The following CDH18 variants were observed in gnomAD, a reference collection of about 807,000 sequenced individuals.
The protein encoded by CDH18 is cadherin-18.
CDH18 carries 31 observed loss-of-function variants against 67.9 expected under a neutral mutation model. The ratio of observed to expected loss-of-function variants is 0.46; its 90% CI spans 0.34 to 0.62. The LOEUF is 0.62. CDH18 is among the 20% of genes least tolerant of loss of function. The pLI is 0.01. For synonymous variants in CDH18, 362 were observed against 347.2 expected (o/e 1.04, Z -0.48); for missense variants, 890 against 975.5 (o/e 0.91, Z 1.17).
Position 20,471,241 on chromosome 5 carries a change from C to T in CDH18, c.-580+104221G>A, listed in dbSNP as rs562882734. Reference sequence around the variant, plus strand: ...TTCTGTAAACTCAGTTTCATAAATACTGCTTTCTCTGCTTGTTCATTCTCT... The same window carrying T: ...TTCTGTAAACTCAGTTTCATAAATATTGCTTTCTCTGCTTGTTCATTCTCT... On this transcript the variant is annotated intron_variant, in intron 1 of 14. Coordinates refer to the CDH18 transcript ENST00000507958. Among the ~76,000 whole-genome samples, 3 of 152,192 alleles carry T rather than the reference C, an allele frequency of 2.0e-5. No homozygotes were observed. In the South Asian group the frequency reaches 6.2e-4, roughly 32 times the overall value.
intron 5 of CDH18, among the ~76,000 whole-genome samples, chr5:19,693,164 G>A (rs1762118920): frequency 6.6e-6 from 1 of 151,634 alleles, no homozygotes; most frequent in Admixed American, 6.6e-5. Context: ...CATATTGCAC[G>A]TGCTCACTTA....
chr5:19,473,851 C>T, intron 12 of CDH18, 135 bp from the exon 13 acceptor site: 1 of 726,648 alleles, frequency 1.4e-6, no homozygotes, highest in Non-Finnish European at 2.3e-6. Flanking sequence ...TGCAGCACAA[C>T]TCACTCTGTG....
chr5:20,340,039 T>C (rs1056710646), intron 1 of CDH18, among the ~76,000 whole-genome samples: 1 of 152,188 alleles, frequency 6.6e-6, no homozygotes, highest in Non-Finnish European at 1.5e-5. Context: ...AGAAGGAATC[T>C]CTTTCTAATG....
intron 6 of CDH18, among the ~76,000 whole-genome samples, chr5:19,592,333 A>T (rs1465586214): frequency 5.3e-5 from 8 of 152,074 alleles, no homozygotes; most frequent in Non-Finnish European, 1.0e-4. Context: ...CCGTTTCTAT[A>T]GTGCTTATAT....
chr5:19,916,703 T>C (rs1395680927), intron 2 of CDH18, among the ~76,000 whole-genome samples: 1 of 152,202 alleles, frequency 6.6e-6, no homozygotes, highest in Non-Finnish European at 1.5e-5. Flanking sequence ...AATTGGAATT[T>C]GACATTTATT....
rs545370270 is a variant in CDH18 at position 20,277,759 on chromosome 5, A to G, written c.-579-22254T>C. ...AGCCATTTTGAGGAAACTCAATGAA[A>G]TTCAAGATAACACAGAGAAAGAATT... On this transcript the variant is annotated intron_variant, in intron 1 of 14. Coordinates refer to the CDH18 transcript ENST00000507958. Among the ~76,000 whole-genome samples the G allele has an allele frequency of 3.3e-5, 5 of 152,262 alleles. No homozygotes were observed. The East Asian group carries it at 9.7e-4, about 30-fold the overall frequency.
At chr5:20,202,449 C>T (rs968840584) in intron 2 of CDH18, among the ~76,000 whole-genome samples, 3 of 152,022 alleles carry the variant, frequency 2.0e-5, no homozygotes, top group Admixed American at 1.3e-4. Flanking sequence ...GCTTTATATA[C>T]ACTTCCATAT....
intron 4 of CDH18, among the ~76,000 whole-genome samples, chr5:19,723,047 A>G (rs1424054057): frequency 6.6e-6 from 1 of 152,070 alleles, no homozygotes; most frequent in East Asian, 1.9e-4. Context: ...CCTGGCAAAC[A>G]TGGTGAATTT....
chr5:20,126,814 A>C (rs1177914162), intron 2 of CDH18, among the ~76,000 whole-genome samples: 1 of 152,180 alleles, frequency 6.6e-6, no homozygotes, highest in Non-Finnish European at 1.5e-5. Flanking sequence ...TAAAAAAAAC[A>C]AGGCTTGCCT....
chr5:20,382,800 T>C (rs1744019512), intron 1 of CDH18, among the ~76,000 whole-genome samples: 1 of 152,184 alleles, frequency 6.6e-6, no homozygotes, highest in Non-Finnish European at 1.5e-5. Flanking sequence ...TGCATAACTA[T>C]ACTGTAGGCT....
At chr5:19,900,525 A>G (rs1789831483) in intron 2 of CDH18, among the ~76,000 whole-genome samples, 1 of 152,178 alleles carries the variant, frequency 6.6e-6, no homozygotes, top group Non-Finnish European at 1.5e-5. Flanking sequence ...ACAATTACAC[A>G]ATGTGTACAT....
chr5:20,060,966 T>A (rs536518396), intron 2 of CDH18, among the ~76,000 whole-genome samples: 205 of 152,152 alleles, frequency 1.3e-3, no homozygotes, highest in Non-Finnish European at 2.5e-3. Flanking sequence ...AAAAGATGCT[T>A]CAAAATAGAA....
intron 4 of CDH18, among the ~76,000 whole-genome samples, chr5:19,725,750 C>T (rs1766759783): frequency 6.6e-6 from 1 of 152,138 alleles, no homozygotes; most frequent in Non-Finnish European, 1.5e-5. Flanking sequence ...ACTTGGGCAA[C>T]AACAATGAAA....
At chr5:19,928,920 T>TAAA (rs1793382277) in intron 2 of CDH18, among the ~76,000 whole-genome samples, 1 of 152,128 alleles carries the variant, frequency 6.6e-6, no homozygotes, top group Non-Finnish European at 1.5e-5. Context: ...TCAGAGGCAT[T>TAAA]CCTGGAGACT....
intron 3 of CDH18, among the ~76,000 whole-genome samples, chr5:19,771,310 A>T (rs1381049440): frequency 6.6e-6 from 1 of 152,218 alleles, no homozygotes; most frequent in Non-Finnish European, 1.5e-5. Flanking sequence ...GGCTTCTGTC[A>T]TGCTTACTCC....
intron 5 of CDH18, among the ~76,000 whole-genome samples, chr5:19,663,001 T>C (rs767857416): frequency 2.0e-5 from 3 of 151,980 alleles, no homozygotes; most frequent in Non-Finnish European, 4.4e-5. Flanking sequence ...TGTTTTGTTG[T>C]AAGAGATGAG....
intron 9 of CDH18, among the ~76,000 whole-genome samples, chr5:19,535,088 A>AC (rs1295140983): frequency 6.6e-6 from 1 of 152,170 alleles, no homozygotes; most frequent in Non-Finnish European, 1.5e-5. Flanking sequence ...ATACCTCTGA[A>AC]CCTGAATAAC....
chr5:19,861,573 G>A (rs1188893644), intron 2 of CDH18, among the ~76,000 whole-genome samples: 1 of 152,166 alleles, frequency 6.6e-6, no homozygotes, highest in African/African-American at 2.4e-5. Context: ...GACAAAGGCA[G>A]AAATGTGGGA....
chr5:19,726,966 C>T (rs576956594), intron 4 of CDH18, among the ~76,000 whole-genome samples: 139 of 152,214 alleles, frequency 9.1e-4, no homozygotes, highest in Non-Finnish European at 1.6e-3. Context: ...AAGAAGATGG[C>T]CTTCTGTGAA....
Sources: gnomAD v4.1 joint callset for allele counts (sites outside exome capture counted in the v4.1 genomes callset) on GRCh38, gnomAD v4.1.1 for gene constraint, MANE v1.5 for transcripts, NCBI Gene and HGNC (gene_info 2026-07-23, HGNC 2026-07-21) for gene names.